The following CLSTN3 variants were observed in gnomAD, a reference collection of about 807,000 sequenced individuals.
CLSTN3 encodes the protein calsyntenin 3, also known as calsyntenin-3.
A neutral mutation model predicts 95.9 loss-of-function variants in CLSTN3; 36 were observed. The observed-to-expected ratio is 0.38, with a 90% confidence interval of 0.29 to 0.50. The LOEUF is 0.50. Among genes scored for constraint, CLSTN3 ranks in the 20% least tolerant of loss-of-function variants. CLSTN3 has a pLI of 0.95. For synonymous variants in CLSTN3, 481 were observed against 504.0 expected (o/e 0.95, Z 0.61); for missense variants, 1,084 against 1,268.8 (o/e 0.85, Z 2.21).
At chr12:7,154,887 A>G (rs1326174242) in intron 16 of CLSTN3, among the ~76,000 whole-genome samples, 1 of 152,246 alleles carries the variant, frequency 6.6e-6, no homozygotes, top group Non-Finnish European at 1.5e-5. Flanking sequence ...TAACATGCGT[A>G]CTATGAGATG....
In CLSTN3 at chr12:7,149,230, A is replaced by G. The variant is rs1373448106; in HGVS notation, c.2074+32A>G. On this transcript the variant is annotated intron_variant, in intron 13 of 17. Transcript: ENST00000266546. This position sits in a 1 kb window ranked among gnomAD's most constrained non-coding sequence, Gnocchi z 4.5. Reference sequence around the variant, plus strand: ...ACGACTTCGGGGAGTAACACCATCCAGAGAACCAGCCAGTGTCTGGAGTCA... The same window carrying G: ...ACGACTTCGGGGAGTAACACCATCCGGAGAACCAGCCAGTGTCTGGAGTCA... 4.4e-6 allele frequency: 7 copies of G among 1,575,702 alleles called. No individual in the cohort carries two copies. Among genetic ancestry groups the G allele is most frequent in the Non-Finnish European group, 5.2e-6 (6 of 1,149,290 alleles).
intron 1 of CLSTN3, chr12:7,131,937 G>C (rs370233027): frequency 2.0e-5 from 9 of 456,036 alleles, no homozygotes; most frequent in African/African-American, 1.8e-4. Context: ...TGGGGATGAG[G>C]TTCCTTTTGG....
rs1939354972 is a variant in CLSTN3 at position 7,133,871 on chromosome 12, C to T, written c.383+103C>T. On this transcript the variant is annotated intron_variant, in intron 3 of 17. Coordinates refer to ENST00000266546, the MANE Select transcript of CLSTN3 (RefSeq NM_014718.4). The surrounding 1 kb of genome is among the most constrained non-coding windows in gnomAD (Gnocchi z 4.7). ...TGCGGTCATCGAATATCCACCCCCA[C>T]CCGCTGCTGTTCCTAGGACTTAGGG... is the stretch of plus-strand genomic sequence containing the variant. 3 of 946,922 alleles carry T rather than the reference C, an allele frequency of 3.2e-6. No homozygotes were observed. The highest frequency in any genetic ancestry group is 4.7e-6 in the Non-Finnish European group (3 of 639,376). The allele number at this position is 946,922 out of a possible 1,614,324, so 58.7% of individuals were successfully genotyped here.
At chr12:7,146,716 G>A (rs903172145) in intron 12 of CLSTN3, among the ~76,000 whole-genome samples, 1 of 152,150 alleles carries the variant, frequency 6.6e-6, no homozygotes, top group Non-Finnish European at 1.5e-5. Flanking sequence ...TAACTTTTGT[G>A]TGCCACGTCT....
At chr12:7,143,394 C>T (rs996410471) in intron 12 of CLSTN3, 83 bp downstream of exon 12, 3 of 1,445,638 alleles carry the variant, frequency 2.1e-6, no homozygotes, top group African/African-American at 1.4e-5. Flanking sequence ...TCACCTAGAG[C>T]TAGGCATACC....
Position 7,157,495 on chromosome 12 carries a change from C to T in CLSTN3, c.2534C>T (p.Pro845Leu). The T allele has an allele frequency of 1.9e-6, 3 of 1,577,618 alleles. No individual in the cohort carries two copies. The highest frequency in any genetic ancestry group is 2.6e-6 in the Non-Finnish European group (3 of 1,160,492). The change falls in exon 17 of 18, where the codon CCC (proline) becomes CTC (leucine). Residue 845 changes from proline (P) to leucine (L), a missense_variant. Physicochemically the swap from Pro to Leu is moderately conservative, Grantham distance 98. Transcript: ENST00000266546. The surrounding 1 kb of genome is among the most constrained non-coding windows in gnomAD (Gnocchi z 5.9). The part of the protein sequence containing the change: ...LASSHRNSMI[P>L]SAATLIIVVC... Reference sequence around the variant, plus strand: ...CCCCGCGCTCTCTCTGCAGTGATACCCAGCGCCGCAACCCTCATCATTGTG... The same window carrying T: ...CCCCGCGCTCTCTCTGCAGTGATACTCAGCGCCGCAACCCTCATCATTGTG...
chr12:7,147,944 C>T (rs747967549), intron 12 of CLSTN3, among the ~76,000 whole-genome samples: 13 of 152,220 alleles, frequency 8.5e-5, no homozygotes, highest in African/African-American at 3.1e-4. Context: ...CACCTGAAGT[C>T]AGGAGTTCAA....
In CLSTN3 at chr12:7,157,077, C is replaced by A. The variant is rs753447289; in HGVS notation, c.2528-412C>A. 4 of 364,334 alleles carry A rather than the reference C, an allele frequency of 1.1e-5. No individual in the cohort carries two copies. The highest frequency in any genetic ancestry group is 2.1e-5 in the Non-Finnish European group (4 of 186,814). 22.6% of individuals were successfully genotyped at this position (364,334 alleles called of 1,614,324 possible). Reference sequence around the variant, plus strand: ...GTGTGGGGGCCCCTCCTCTCCCTCACTGGGCACTGGCACCTCTTTCCTAGG... The same window carrying A: ...GTGTGGGGGCCCCTCCTCTCCCTCAATGGGCACTGGCACCTCTTTCCTAGG... On this transcript the variant is annotated intron_variant, in intron 16 of 17. Transcript: ENST00000266546. The surrounding 1 kb of genome is among the most constrained non-coding windows in gnomAD (Gnocchi z 5.9).
chr12:7,154,901 T>G (rs917466337), intron 16 of CLSTN3, among the ~76,000 whole-genome samples: 3 of 152,222 alleles, frequency 2.0e-5, no homozygotes, highest in Non-Finnish European at 4.4e-5. Flanking sequence ...TGAGATGCTA[T>G]GCAGTTGCTA....
In CLSTN3 at chr12:7,130,428, A is replaced by G. The variant is rs1252197274; in HGVS notation, c.-221A>G. The stretch of plus-strand genomic sequence containing the variant: ...GAGAGTGAGGACGCTGGGCTGGGGG[A>G]AACGGGAAGCCGCTGCAAGTCCACC... On this transcript the variant is annotated 5_prime_UTR_variant, in exon 1 of 18. Transcript: ENST00000266546. 3 of 1,441,344 alleles carry G rather than the reference A, an allele frequency of 2.1e-6. No individual in the cohort carries two copies. Among genetic ancestry groups the G allele is most frequent in the Non-Finnish European group, 2.7e-6 (3 of 1,098,288 alleles). 89.3% of individuals were successfully genotyped at this position (1,441,344 alleles called of 1,614,324 possible).
chr12:7,138,017 C>T lies in CLSTN3; in HGVS notation c.1273C>T (p.Pro425Ser). Residue 425 changes from proline (P) to serine (S), a missense_variant, in exon 8 of 18, where the codon CCC (proline) becomes TCC (serine). Physicochemically the swap from Pro to Ser is moderately conservative, Grantham distance 74 (BLOSUM62 -1). Coordinates refer to ENST00000266546, the MANE Select transcript of CLSTN3 (RefSeq NM_014718.4). ...CTGTAGGATTGCCTTCCTCTACTGG[C>T]CCCTGCTTGAGAGTGCCCGCCCAGT... is the stretch of plus-strand genomic sequence containing the variant. ...HGCRIAFLYW[P>S]LLESARPVKF... 6.2e-7 allele frequency: 1 copy of T among 1,613,852 alleles called. No individual in the cohort carries two copies. Among genetic ancestry groups the T allele is most frequent in the East Asian group, 2.2e-5 (1 of 44,870 alleles).
At position 7,133,273 on chromosome 12, in the gene CLSTN3, A is replaced by C; in HGVS notation, c.187+127A>C. The C allele has an allele frequency of 9.6e-5, 121 of 1,254,808 alleles. No individual in the cohort carries two copies. Among genetic ancestry groups the C allele is most frequent in the Non-Finnish European group, 1.2e-4 (108 of 901,236 alleles). 77.7% of individuals were successfully genotyped at this position (1,254,808 alleles called of 1,614,324 possible). On this transcript the variant is annotated intron_variant, in intron 2 of 17. Coordinates refer to ENST00000266546, the MANE Select transcript of CLSTN3 (RefSeq NM_014718.4). This position sits in a 1 kb window ranked among gnomAD's most constrained non-coding sequence, Gnocchi z 4.7. The stretch of plus-strand genomic sequence containing the variant: ...AGTAAGGGAAGATAAAAGTGGGCTC[A>C]AGGAGGGGAATGGTCTCCACTGAAG...
At chr12:7,155,691 T>C (rs1939803260) in intron 16 of CLSTN3, among the ~76,000 whole-genome samples, 1 of 152,212 alleles carries the variant, frequency 6.6e-6, no homozygotes, top group Non-Finnish European at 1.5e-5. Context: ...AGTTGAGAAA[T>C]ACTGATCCAG....
Position 7,138,012 on chromosome 12 carries a change from A to G in CLSTN3, c.1268A>G (p.Tyr423Cys), listed in dbSNP as rs1204956241. ...CACGGCTGTAGGATTGCCTTCCTCT[A>G]CTGGCCCCTGCTTGAGAGTGCCCGC... ...TVHGCRIAFL[Y>C]WPLLESARPV... Residue 423 changes from tyrosine to cysteine, a missense_variant, in exon 8 of 18, where the codon TAC becomes TGC. Coordinates refer to ENST00000266546, the MANE Select transcript of CLSTN3 (RefSeq NM_014718.4). 4 of 1,613,560 alleles carry G rather than the reference A, an allele frequency of 2.5e-6. No homozygotes were observed. The South Asian group carries it at 3.3e-5, about 13-fold the overall frequency.
Position 7,150,840 on chromosome 12 carries a change from C to T in CLSTN3, c.2392-88C>T, listed in dbSNP as rs115899595. The T allele has an allele frequency of 8.0e-4, 1,228 of 1,544,524 alleles. 7 individuals are homozygous for T. In the African/African-American group the frequency reaches 0.014, roughly 18 times the overall value. ...TGGGTGGAGGAGAAGGAGATGGGGG[C>T]AGTAGTTAGGAGATGGGGCTGGGGT... On this transcript the variant is annotated intron_variant, in intron 15 of 17. Transcript: ENST00000266546. This position sits in a 1 kb window ranked among gnomAD's most constrained non-coding sequence, Gnocchi z 4.0.
chr12:7,132,963 G>A, intron 1 of CLSTN3, 61 bp from the exon 2 acceptor site: 1 of 1,609,728 alleles, frequency 6.2e-7, no homozygotes, highest in Non-Finnish European at 8.5e-7. Flanking sequence ...AACAAGGGTT[G>A]TTGTGGGAGT....
chr12:7,129,284 G>A (rs1939234574), upstream of CLSTN3: 1 of 193,116 alleles, frequency 5.2e-6, no homozygotes, highest in South Asian at 1.0e-4. This position sits in a 1 kb window ranked among gnomAD's most constrained non-coding sequence, Gnocchi z 5.5. Flanking sequence ...CTGAGATCCT[G>A]GGACTGAGTG....
At chr12:7,134,127 A>G (rs1271948127) in intron 3 of CLSTN3, among the ~76,000 whole-genome samples, 2 of 152,202 alleles carry the variant, frequency 1.3e-5, no homozygotes, top group Non-Finnish European at 2.9e-5. Context: ...CATGCACCAC[A>G]GTGCCTGATA....
In CLSTN3 at chr12:7,135,436, C is replaced by T. The variant is rs149090453; in HGVS notation, c.493C>T (p.Arg165Trp). The change falls in exon 4 of 18, where the codon CGG becomes TGG. Residue 165 changes from arginine (R) to tryptophan (W), a missense_variant. Physicochemically the swap from Arg to Trp is moderately radical, Grantham distance 101 (BLOSUM62 -3). Transcript: ENST00000266546. Reference sequence around the variant, plus strand: ...GGGGAAGCTGTACGATCGCATCCTGCGGGTGGAAGCCATTGACGGTGACTG... The same window carrying T: ...GGGGAAGCTGTACGATCGCATCCTGTGGGTGGAAGCCATTGACGGTGACTG... The part of the protein sequence containing the change: ...TEGKLYDRIL[R>W]VEAIDGDCSP... 113 of 1,614,014 alleles carry T rather than the reference C, an allele frequency of 7.0e-5. No individual in the cohort carries two copies. Among genetic ancestry groups the T allele is most frequent in the Non-Finnish European group, 8.9e-5 (105 of 1,180,010 alleles).
Sources: gnomAD v4.1 joint callset for allele counts (sites outside exome capture counted in the v4.1 genomes callset) on GRCh38, gnomAD v4.1.1 for gene constraint, Gnocchi (gnomAD v3.1) non-coding constraint, MANE v1.5 for transcripts, NCBI Gene and HGNC (gene_info 2026-07-23, HGNC 2026-07-21) for gene names.